ERBB2: variants seen among roughly 807,000 people sequenced by gnomAD.
ERBB2 encodes erb-b2 receptor tyrosine kinase 2.
A neutral mutation model predicts 149.0 loss-of-function variants in ERBB2; 61 were observed. That is an observed-to-expected ratio of 0.41 (90% CI 0.33 to 0.51). ERBB2 has a LOEUF of 0.51. ERBB2 is among the 20% of genes least tolerant of loss of function. ERBB2 has a pLI of 0.25. For missense variants in ERBB2, 1,205 were observed against 1,655.1 expected, an observed-to-expected ratio of 0.73 and a Z score of 4.72; for synonymous variants, 633 against 678.8, an observed-to-expected ratio of 0.93 and a Z score of 1.05.
chr17:39,716,497 CA>C lies in ERBB2; in HGVS notation c.1647-17del. ...TGGGGCTCCTCTCAGACCCCCTCACCACTGTCCCTTCTCTCAGGCTCCCCAG... is the reference window on the plus strand; with the variant it reads ...TGGGGCTCCTCTCAGACCCCCTCACCCTGTCCCTTCTCTCAGGCTCCCCAG... On this transcript the variant is annotated splice_polypyrimidine_tract_variant and intron_variant, in intron 13 of 26. Coordinates refer to ENST00000269571, the MANE Select transcript of ERBB2 (RefSeq NM_004448.4). 6.2e-7 allele frequency: 1 copy of C among 1,614,000 alleles called. No homozygotes were observed. The highest frequency in any genetic ancestry group is 8.5e-7 in the Non-Finnish European group (1 of 1,179,920).
At chr17:39,724,575 G>C in intron 19 of ERBB2, 151 bp from the exon 20 acceptor site, 1 of 680,422 alleles carries the variant, frequency 1.5e-6, no homozygotes, top group East Asian at 2.7e-5. Context: ...TGTATTTTTA[G>C]TAGAGACAGG....
upstream of ERBB2, among the ~76,000 whole-genome samples, chr17:39,698,451 G>A (rs2057923440): frequency 6.6e-6 from 1 of 151,958 alleles, no homozygotes; most frequent in Non-Finnish European, 1.5e-5. Flanking sequence ...AGCAGAGACA[G>A]GGTTTCACCG....
Position 39,725,506 on chromosome 17 carries a change from G to A in ERBB2, c.2725+104G>A, listed in dbSNP as rs552654412. 12 of 1,312,300 alleles carry A rather than the reference G, an allele frequency of 9.1e-6. No individual in the cohort carries two copies. In the East Asian group the frequency reaches 2.8e-4, roughly 31 times the overall value. The allele number at this position is 1,312,300 out of a possible 1,614,324, so 81.3% of individuals were successfully genotyped here. ...TACGGGGCCACCTCAGCATGTGAAGGGAGGGAAGGGGCTGCCTGTGCCCCA... is the reference window on the plus strand; with the variant it reads ...TACGGGGCCACCTCAGCATGTGAAGAGAGGGAAGGGGCTGCCTGTGCCCCA... On this transcript the variant is annotated intron_variant, in intron 22 of 26. Transcript: ENST00000269571. The surrounding 1 kb of genome is among the most constrained non-coding windows in gnomAD (Gnocchi z 4.6).
intron 4 of ERBB2, 37 bp downstream of exon 4, chr17:39,709,489 A>G (rs1186500577): frequency 6.2e-7 from 1 of 1,611,804 alleles, no homozygotes. Context: ...CTTCTCTCAG[A>G]CAGCCTGACC....
In ERBB2 at chr17:39,712,373, G is replaced by A; in HGVS notation, c.1073G>A (p.Ser358Asn). 1 of 1,613,324 alleles carries A rather than the reference G, an allele frequency of 6.2e-7. No individual in the cohort carries two copies. Among genetic ancestry groups the A allele is most frequent in the Non-Finnish European group, 8.5e-7 (1 of 1,179,600 alleles). The change falls in exon 9 of 27, where the codon AGT becomes AAT. Residue 358 changes from serine to asparagine, a missense_variant. Physicochemically the swap from Ser to Asn is conservative, Grantham distance 46. Coordinates refer to ENST00000269571, the MANE Select transcript of ERBB2 (RefSeq NM_004448.4). Reference protein sequence around the residue: ...EHLREVRAVTSANIQEFAGCK... With the variant: ...EHLREVRAVTNANIQEFAGCK... ...TTGCGAGAGGTGAGGGCAGTTACCA[G>A]TGCCAATATCCAGGAGTTTGCTGGC...
rs1335074269 is a variant in ERBB2 at position 39,726,966 on chromosome 17, G to A, written c.3122G>A (p.Gly1041Asp). The part of the protein sequence containing the change: ...FCPDPAPGAG[G>D]MVHHRHRSSS... ...CCAGACCCTGCCCCGGGCGCTGGGG[G>A]CATGGTCCACCACAGGCACCGCAGC... The change falls in exon 25 of 27, where the codon GGC becomes GAC. Residue 1041 changes from glycine to aspartate, a missense_variant. By Grantham distance (94) the Gly-to-Asp change is moderately conservative (BLOSUM62 -1). This residue lies in a region of ERBB2 where 312 missense variants were observed against 343.8 expected (regional missense o/e 0.91). Coordinates refer to ENST00000269571, the MANE Select transcript of ERBB2 (RefSeq NM_004448.4). The surrounding 1 kb of genome is among the most constrained non-coding windows in gnomAD (Gnocchi z 5.1). 3 of 1,610,110 alleles carry A rather than the reference G, an allele frequency of 1.9e-6. No homozygotes were observed. Among genetic ancestry groups the A allele is most frequent in the African/African-American group, 1.3e-5 (1 of 74,800 alleles).
chr17:39,710,362 G>C lies in ERBB2; in HGVS notation c.782G>C (p.Ser261Thr), dbSNP rs2145518349. 6.2e-7 allele frequency: 1 copy of C among 1,614,150 alleles called. No homozygotes were observed. The highest frequency in any genetic ancestry group is 8.5e-7 in the Non-Finnish European group (1 of 1,180,034). Residue 261 changes from serine (S) to threonine (T), a missense_variant, in exon 7 of 27, where the codon AGT becomes ACT. Physicochemically the swap from Ser to Thr is moderately conservative, Grantham distance 58. This residue lies in a region of ERBB2 where 569 missense variants were observed against 803.5 expected (regional missense o/e 0.71). Coordinates refer to ENST00000269571, the MANE Select transcript of ERBB2 (RefSeq NM_004448.4). ...CAGGCCTGCCTCCACTTCAACCACA[G>C]TGGCATCTGTGAGCTGCACTGCCCA... ...DCLACLHFNHSGICELHCPAL... is the reference protein window; with the variant it reads ...DCLACLHFNHTGICELHCPAL...
upstream of ERBB2, chr17:39,699,952 A>T (rs926952286): frequency 2.5e-6 from 3 of 1,185,396 alleles, no homozygotes; most frequent in Non-Finnish European, 3.2e-6. Flanking sequence ...GTTGGAATGC[A>T]GTTGGAGGGG....
In ERBB2 at chr17:39,717,370, C is replaced by T. The variant is rs753344199; in HGVS notation, c.1788C>T (p.Cys596=). The T allele has an allele frequency of 6.2e-6, 10 of 1,612,662 alleles. No homozygotes were observed. The highest frequency in any genetic ancestry group is 2.2e-5 in the East Asian group (1 of 44,892). ...ACAHYKDPPF[C]VARCPSGVKP... ...CCCACTATAAGGACCCTCCCTTCTG[C>T]GTGGCCCGCTGCCCCAGCGGTGTGA... is the stretch of plus-strand genomic sequence containing the variant. The change falls in exon 15 of 27, where the codon TGC becomes TGT. Residue 596 remains cysteine (C), a synonymous_variant. Coordinates refer to ENST00000269571, the MANE Select transcript of ERBB2 (RefSeq NM_004448.4).
In ERBB2 at chr17:39,700,263, T is replaced by TG. The variant is rs1345424209; in HGVS notation, c.30dup (p.Leu11AlafsTer99). 1 of 1,440,888 alleles carries TG rather than the reference T, an allele frequency of 6.9e-7. No homozygotes were observed. The highest frequency in any genetic ancestry group is 9.1e-7 in the Non-Finnish European group (1 of 1,099,978). The allele number at this position is 1,440,888 out of a possible 1,614,324, so 89.3% of individuals were successfully genotyped here. On this transcript the variant is annotated frameshift_variant, in exon 1 of 27. Coordinates refer to ENST00000269571, the MANE Select transcript of ERBB2 (RefSeq NM_004448.4). LOFTEE classifies it high-confidence loss of function. ...CATGGAGCTGGCGGCCTTGTGCCGC[T>TG]GGGGGCTCCTCCTCGCCCTCTTGCC... is the stretch of plus-strand genomic sequence containing the variant.
At chr17:39,694,207 AAAAAAAAAAAAAAAAAAAAAT>A (rs2057775566), upstream of ERBB2, among the ~76,000 whole-genome samples, 1 of 46,500 alleles carries the variant, frequency 2.2e-5, no homozygotes, top group African/African-American at 1.1e-4. Flanking sequence ...AAAAAAAAAA[AAAAAAAAAAAAAAAAAAAAAT>A]ATATATATAT....
At chr17:39,709,715 T>C in intron 4 of ERBB2, 98 bp from the exon 5 acceptor site, 1 of 1,237,218 alleles carries the variant, frequency 8.1e-7, no homozygotes. Context: ...GCAGTTGGCC[T>C]CGTGGCCTCT....
At chr17:39,696,245 A>T (rs916220008), upstream of ERBB2, among the ~76,000 whole-genome samples, 7 of 151,762 alleles carry the variant, frequency 4.6e-5, no homozygotes, top group Non-Finnish European at 8.8e-5. Flanking sequence ...GAATGGGCTC[A>T]TTCTTTTTCA....
intron 14 of ERBB2, 39 bp downstream of exon 14, chr17:39,716,644 C>A (rs2145692310): frequency 6.4e-7 from 1 of 1,573,706 alleles, no homozygotes; most frequent in Non-Finnish European, 8.7e-7. Context: ...TGGAGGGGGG[C>A]AGCGAGGGGG....
At chr17:39,695,758 C>CACAT (rs2057850041), upstream of ERBB2, among the ~76,000 whole-genome samples, 1 of 148,802 alleles carries the variant, frequency 6.7e-6, no homozygotes, top group Non-Finnish European at 1.5e-5. Context: ...CACACACACA[C>CACAT]GTCTCCTGTG....
At chr17:39,700,877 G>T (rs1181781428) in intron 1 of ERBB2, among the ~76,000 whole-genome samples, 1 of 152,070 alleles carries the variant, frequency 6.6e-6, no homozygotes, top group Non-Finnish European at 1.5e-5. Context: ...AACCAGAGCC[G>T]GGGAGGAAAG....
At position 39,723,361 on chromosome 17, in the gene ERBB2, G is replaced by A. The variant is rs2145803643; in HGVS notation, c.1989G>A (p.Leu663=). 1 of 1,614,098 alleles carries A rather than the reference G, an allele frequency of 6.2e-7. No individual in the cohort carries two copies. The highest frequency in any genetic ancestry group is 1.1e-5 in the South Asian group (1 of 91,074). ...TCTCTGCGGTGGTTGGCATTCTGCT[G>A]GTCGTGGTCTTGGGGGTGGTCTTTG... The part of the protein sequence containing the change: ...SIISAVVGIL[L]VVVLGVVFGI... Residue 663 remains leucine, a synonymous_variant, in exon 17 of 27, where the codon CTG becomes CTA. Coordinates refer to ENST00000269571, the MANE Select transcript of ERBB2 (RefSeq NM_004448.4). The surrounding 1 kb of genome is among the most constrained non-coding windows in gnomAD (Gnocchi z 6.2).
At position 39,726,727 on chromosome 17, in the gene ERBB2, G is replaced by T; in HGVS notation, c.2970+68G>T. ...ACCCTCCTGCAGAGGGTGGGAAGGA[G>T]AGATGAGTCCAGTATGCCAGGCCCC... On this transcript the variant is annotated intron_variant, in intron 24 of 26. Transcript: ENST00000269571. The surrounding 1 kb of genome is among the most constrained non-coding windows in gnomAD (Gnocchi z 5.1). The T allele has an allele frequency of 6.3e-7, 1 of 1,594,256 alleles. No homozygotes were observed. Among genetic ancestry groups the T allele is most frequent in the Non-Finnish European group, 8.6e-7 (1 of 1,161,834 alleles).
upstream of ERBB2, among the ~76,000 whole-genome samples, chr17:39,694,212 A>T (rs2057778241): frequency 3.9e-5 from 2 of 51,718 alleles, no homozygotes; most frequent in African/African-American, 1.0e-4. Context: ...AAAAAAAAAA[A>T]AAAAAAAAAA....
Sources: gnomAD v4.1 joint callset for allele counts (sites outside exome capture counted in the v4.1 genomes callset) on GRCh38, gnomAD v4.1.1 for gene constraint, gnomAD v4.1.1 regional missense constraint, Gnocchi (gnomAD v3.1) non-coding constraint, MANE v1.5 for transcripts, NCBI Gene and HGNC (gene_info 2026-07-23, HGNC 2026-07-21) for gene names.